Variants in RIC3 observed in about 807,000 individuals in gnomAD.
RIC3 encodes protein RIC-3.
In RIC3, 28 loss-of-function variants were observed where a neutral mutation model predicts 27.3. The ratio of observed to expected loss-of-function variants is 1.02; its 90% CI spans 0.76 to 1.41. The LOEUF (loss-of-function observed/expected upper bound fraction) is 1.41. RIC3 is among the 40% of genes most tolerant of loss of function. RIC3 has a pLI of 0.00. For synonymous variants in RIC3, 184 were observed against 160.4 expected, an observed-to-expected ratio of 1.15 and a Z score of -1.11; for missense variants, 501 against 444.7, an observed-to-expected ratio of 1.13 and a Z score of -1.14.
chr11:8,123,854 G>T (rs1300335531), intron 5 of RIC3, among the ~76,000 whole-genome samples: 3 of 151,336 alleles, frequency 2.0e-5, no homozygotes, highest in African/African-American at 4.8e-5. Context: ...GGCATGAGTA[G>T]CTGGGCCTAC....
chr11:8,139,759 G>A, intron 2 of RIC3: 4 of 551,722 alleles, frequency 7.3e-6, no homozygotes, highest in African/African-American at 1.9e-5. Flanking sequence ...GAATTTTGGG[G>A]CAAAACACTT....
chr11:8,100,656 GC>G, the RIC3 span: 1 of 1,571,324 alleles, frequency 6.4e-7, no homozygotes, highest in Non-Finnish European at 8.7e-7. Context: ...CTCTGCATGA[GC>G]TTCTAAGGGC....
At chr11:8,119,655 A>G (rs1414772084) in intron 5 of RIC3, among the ~76,000 whole-genome samples, 3 of 152,244 alleles carry the variant, frequency 2.0e-5, no homozygotes, top group Non-Finnish European at 4.4e-5. Context: ...CATGACTAAG[A>G]CACCAAAAGC....
chr11:8,148,067 CTGAGG>C (rs1949890776), intron 1 of RIC3, among the ~76,000 whole-genome samples: 1 of 152,146 alleles, frequency 6.6e-6, no homozygotes, highest in African/African-American at 2.4e-5. Context: ...AACTCTGCTC[CTGAGG>C]TAAGAAAGAA....
intron 1 of RIC3, among the ~76,000 whole-genome samples, chr11:8,146,743 G>C (rs1227039095): frequency 6.6e-6 from 1 of 152,118 alleles, no homozygotes; most frequent in African/African-American, 2.4e-5. Context: ...GGTGGCAGGG[G>C]GCGGGGTGCT....
intron 2 of RIC3, chr11:8,139,594 T>A (rs1034766983): frequency 4.9e-6 from 1 of 203,154 alleles, no homozygotes. Flanking sequence ...TAAAAGCTCT[T>A]CTTAGAAAAT....
In RIC3 at chr11:8,110,569, G is replaced by C; in HGVS notation, c.*129C>G. 1 of 826,884 alleles carries C rather than the reference G, an allele frequency of 1.2e-6. No homozygotes were observed. The highest frequency in any genetic ancestry group is 1.4e-5 in the South Asian group (1 of 73,222). The allele number at this position is 826,884 out of a possible 1,614,324, so 51.2% of individuals were successfully genotyped here. On this transcript the variant is annotated 3_prime_UTR_variant, in exon 6 of 6. Coordinates refer to ENST00000309737, the MANE Select transcript of RIC3 (RefSeq NM_001206671.4). ...ACCAGGAAGGATACATGATATCCAT[G>C]ATAGTGGCCTGATAGCTATGACACT...
chr11:8,148,188 G>C (rs781608620), intron 1 of RIC3, among the ~76,000 whole-genome samples: 7 of 152,138 alleles, frequency 4.6e-5, no homozygotes, highest in African/African-American at 9.7e-5. Flanking sequence ...GACTTTAAAT[G>C]ATATGGAAAA....
intron 4 of RIC3, chr11:8,128,139 T>C (rs1374931593): frequency 2.2e-6 from 1 of 455,652 alleles, no homozygotes; most frequent in Non-Finnish European, 4.4e-6. Context: ...ACTGCTCGTG[T>C]GTCCCACATA....
chr11:8,163,998 G>C (rs961931262), intron 1 of RIC3, among the ~76,000 whole-genome samples: 1 of 152,152 alleles, frequency 6.6e-6, no homozygotes, highest in Non-Finnish European at 1.5e-5. Context: ...CTAAGGATAA[G>C]TATACAGATT....
At chr11:8,122,438 A>G (rs975435908) in intron 5 of RIC3, among the ~76,000 whole-genome samples, 6 of 150,822 alleles carry the variant, frequency 4.0e-5, no homozygotes, top group African/African-American at 7.3e-5. Flanking sequence ...TTTATTGCTA[A>G]GTGTATACCA....
At chr11:8,120,283 A>T (rs1590111866) in intron 5 of RIC3, among the ~76,000 whole-genome samples, 1 of 152,358 alleles carries the variant, frequency 6.6e-6, no homozygotes. Flanking sequence ...AAGACTTGGA[A>T]CCAACCCAAA....
the RIC3 span, chr11:8,098,970 G>A: frequency 7.6e-6 from 7 of 920,206 alleles, no homozygotes; most frequent in Non-Finnish European, 1.1e-5. Flanking sequence ...CATCTTAGTG[G>A]GTAGACAAGG....
At chr11:8,127,141 G>A (rs963718183) in intron 4 of RIC3, among the ~76,000 whole-genome samples, 1 of 151,926 alleles carries the variant, frequency 6.6e-6, no homozygotes, top group South Asian at 2.1e-4. Flanking sequence ...TTCTCTAATC[G>A]CCTAACAATT....
intron 3 of RIC3, among the ~76,000 whole-genome samples, chr11:8,137,718 T>C (rs957124689): frequency 6.6e-6 from 1 of 152,222 alleles, no homozygotes; most frequent in Non-Finnish European, 1.5e-5. Flanking sequence ...ACAGCCCAGA[T>C]AAACATGATT....
intron 1 of RIC3, among the ~76,000 whole-genome samples, chr11:8,159,668 C>T (rs946974930): frequency 1.3e-5 from 2 of 152,066 alleles, no homozygotes; most frequent in African/African-American, 4.8e-5. Flanking sequence ...ATGACTAAGA[C>T]ATTTAAAAAA....
intron 1 of RIC3, among the ~76,000 whole-genome samples, chr11:8,142,185 A>G (rs1187565662): frequency 2.2e-5 from 3 of 138,956 alleles, no homozygotes; most frequent in African/African-American, 5.8e-5. Flanking sequence ...TCAGAGCAGA[A>G]CTGAAGGAAA....
the RIC3 span, among the ~76,000 whole-genome samples, chr11:8,099,380 C>G: frequency 1.3e-5 from 2 of 152,088 alleles, no homozygotes; most frequent in East Asian, 1.9e-4. Flanking sequence ...CCCTTTGAAC[C>G]TTTTTCTTCA....
the RIC3 span, among the ~76,000 whole-genome samples, chr11:8,099,654 GATCT>G: frequency 6.6e-6 from 1 of 152,210 alleles, no homozygotes; most frequent in Non-Finnish European, 1.5e-5. Flanking sequence ...CTATGAAACA[GATCT>G]ATCAGTGAAG....
Sources: gnomAD v4.1 joint callset for allele counts (sites outside exome capture counted in the v4.1 genomes callset) on GRCh38, gnomAD v4.1.1 for gene constraint, MANE v1.5 for transcripts, NCBI Gene and HGNC (gene_info 2026-07-23, HGNC 2026-07-21) for gene names.